Variants in ATXN1 observed in about 807,000 individuals in gnomAD.
The protein encoded by ATXN1 is ataxin 1, also known as ataxin-1.
A neutral mutation model predicts 56.4 loss-of-function variants in ATXN1; 8 were observed. That is an observed-to-expected ratio of 0.14 (90% CI 0.08 to 0.26). ATXN1 has a LOEUF of 0.26. Among genes scored for constraint, ATXN1 ranks in the 10% least tolerant of loss-of-function variants. The pLI is 1.00. For missense variants in ATXN1, 987 were observed against 1,106.5 expected, an observed-to-expected ratio of 0.89 and a Z score of 1.53; for synonymous variants, 514 against 494.6, an observed-to-expected ratio of 1.04 and a Z score of -0.52.
chr6:16,758,324 G>A (rs1017352930), intron 1 of ATXN1, among the ~76,000 whole-genome samples: 1 of 152,226 alleles, frequency 6.6e-6, no homozygotes, highest in African/African-American at 2.4e-5. Context: ...AAAGGCACCA[G>A]ACTGCAAAAG....
rs71769107 is a variant in ATXN1, at chr6:16,526,041, C to CTATATA, written c.-360-3359_-360-3354dup. Among the ~76,000 whole-genome samples the CTATATA allele has an allele frequency of 1.8e-3, 226 of 127,128 alleles. 1 individual carries two copies. Among genetic ancestry groups the CTATATA allele is most frequent in the African/African-American group, 6.1e-3 (191 of 31,242 alleles). 83.4% of individuals were successfully genotyped at this position (127,128 alleles called of 152,430 possible). The stretch of plus-strand genomic sequence containing the variant: ...TGTACACATACATATAGAAATAAAT[C>CTATATA]TATATATATATATATATATATATAC... On this transcript the variant is annotated intron_variant, in intron 4 of 7. Coordinates refer to ENST00000436367, the MANE Select transcript of ATXN1 (RefSeq NM_001128164.2).
intron 2 of ATXN1, among the ~76,000 whole-genome samples, chr6:16,679,747 T>C (rs1043038479): frequency 6.6e-6 from 1 of 152,200 alleles, no homozygotes; most frequent in Admixed American, 6.5e-5. Context: ...AATTAAGTAT[T>C]GTATCACTAC....
chr6:16,460,968 C>T (rs150598924), intron 6 of ATXN1, among the ~76,000 whole-genome samples: 3,230 of 152,348 alleles, frequency 0.021, 50 homozygotes, highest in Non-Finnish European at 0.035. Flanking sequence ...AAGGGAGTTC[C>T]TAACCTCTGG....
At chr6:16,673,370 T>C (rs1359654026) in intron 2 of ATXN1, among the ~76,000 whole-genome samples, 4 of 152,168 alleles carry the variant, frequency 2.6e-5, no homozygotes, top group African/African-American at 9.7e-5. Flanking sequence ...ACAAATGGGA[T>C]ATGGCCCGGG....
intron 2 of ATXN1, among the ~76,000 whole-genome samples, chr6:16,683,666 A>G (rs1758859493): frequency 6.6e-6 from 1 of 152,182 alleles, no homozygotes; most frequent in Admixed American, 6.5e-5. Flanking sequence ...TGAGTCCTTA[A>G]AAACAGACAG....
intron 4 of ATXN1, among the ~76,000 whole-genome samples, chr6:16,548,284 G>A (rs1041136667): frequency 6.6e-6 from 1 of 152,238 alleles, no homozygotes. Context: ...AATGGAGCTT[G>A]CAGGATTGGA....
At chr6:16,384,515 C>T (rs182317116) in intron 6 of ATXN1, among the ~76,000 whole-genome samples, 3 of 152,216 alleles carry the variant, frequency 2.0e-5, no homozygotes, top group Non-Finnish European at 4.4e-5. Context: ...AGACACAGTT[C>T]CTGTTCTCAA....
chr6:16,738,523 T>C (rs1760216442), intron 2 of ATXN1: 1 of 152,234 alleles, frequency 6.6e-6, no homozygotes, highest in African/African-American at 2.4e-5. Flanking sequence ...TCCTCCTCTA[T>C]TATGCAAATA....
chr6:16,736,305 C>T (rs1366674096), intron 2 of ATXN1, among the ~76,000 whole-genome samples: 4 of 152,094 alleles, frequency 2.6e-5, no homozygotes, highest in African/African-American at 4.8e-5. Flanking sequence ...TCTGAAAGAA[C>T]GAAATTAAGG....
intron 6 of ATXN1, among the ~76,000 whole-genome samples, chr6:16,389,505 G>T (rs1274680048): frequency 6.6e-6 from 1 of 152,088 alleles, no homozygotes; most frequent in Non-Finnish European, 1.5e-5. Context: ...TTTGCCTTGA[G>T]AGTCCTTAAT....
At chr6:16,459,578 A>C (rs2175894) in intron 6 of ATXN1, among the ~76,000 whole-genome samples, 2 of 151,806 alleles carry the variant, frequency 1.3e-5, no homozygotes, top group Admixed American at 6.6e-5. Flanking sequence ...TCAAATACCA[A>C]AGGAAGCAGA....
At chr6:16,464,586 G>A (rs552751755) in intron 6 of ATXN1, among the ~76,000 whole-genome samples, 11 of 152,174 alleles carry the variant, frequency 7.2e-5, no homozygotes, top group East Asian at 5.8e-4. Flanking sequence ...TGAAGTCAGC[G>A]AGACCATAAA....
intron 4 of ATXN1, among the ~76,000 whole-genome samples, chr6:16,584,065 G>A (rs988979956): frequency 6.6e-6 from 1 of 151,438 alleles, no homozygotes; most frequent in Non-Finnish European, 1.5e-5. Context: ...ATTATTATCC[G>A]AATTTTACAT....
At chr6:16,452,645 C>T (rs903004143) in intron 6 of ATXN1, among the ~76,000 whole-genome samples, 1 of 152,178 alleles carries the variant, frequency 6.6e-6, no homozygotes, top group Non-Finnish European at 1.5e-5. Context: ...ATTTTAAAGA[C>T]ATTCCTTCCT....
chr6:16,733,558 G>C (rs1201014754), intron 2 of ATXN1, among the ~76,000 whole-genome samples: 1 of 150,596 alleles, frequency 6.6e-6, no homozygotes, highest in Non-Finnish European at 1.5e-5. Context: ...ACTGAGAACT[G>C]ACCTCTTGGA....
At chr6:16,735,196 T>C (rs1208866527) in intron 2 of ATXN1, among the ~76,000 whole-genome samples, 1 of 152,190 alleles carries the variant, frequency 6.6e-6, no homozygotes, top group East Asian at 1.9e-4. Context: ...TTACCTCATC[T>C]GTAAGGTGGA....
intron 2 of ATXN1, among the ~76,000 whole-genome samples, chr6:16,742,950 A>T (rs1664840463): frequency 6.6e-6 from 1 of 152,334 alleles, no homozygotes; most frequent in Non-Finnish European, 1.5e-5. Flanking sequence ...TAACTATCTC[A>T]CTAGAAACTT....
In ATXN1 at chr6:16,703,041, T is replaced by C. The variant is rs563791007; in HGVS notation, c.-614-45140A>G. On this transcript the variant is annotated intron_variant, in intron 2 of 7. Transcript: ENST00000436367. ...AAAGACACATGCACACGTATGTTTA[T>C]TGCGGCACTATTCACAATAGCAAAG... is the stretch of plus-strand genomic sequence containing the variant. Among the ~76,000 whole-genome samples, 678 of 152,224 alleles carry C rather than the reference T, an allele frequency of 4.5e-3. 5 individuals carry two copies. The highest frequency in any genetic ancestry group is 6.1e-3 in the Non-Finnish European group (415 of 68,022).
chr6:16,526,041 C>CTATATATATA (rs71769107), intron 4 of ATXN1, among the ~76,000 whole-genome samples: 18 of 127,114 alleles, frequency 1.4e-4, no homozygotes, highest in South Asian at 2.5e-4. Context: ...AGAAATAAAT[C>CTATATATATA]TATATATATA....
Sources: gnomAD v4.1 joint callset for allele counts (sites outside exome capture counted in the v4.1 genomes callset) on GRCh38, gnomAD v4.1.1 for gene constraint, MANE v1.5 for transcripts, NCBI Gene and HGNC (gene_info 2026-07-23, HGNC 2026-07-21) for gene names.